The following GALNT13 variants were observed in gnomAD, a reference collection of about 807,000 sequenced individuals.
GALNT13 encodes polypeptide N-acetylgalactosaminyltransferase 13.
In GALNT13, 28 loss-of-function variants were observed where a neutral mutation model predicts 64.2. The ratio of observed to expected loss-of-function variants is 0.44; its 90% CI spans 0.32 to 0.60. The LOEUF is 0.60. Among genes scored for constraint, GALNT13 ranks in the 20% least tolerant of loss-of-function variants. The pLI is 0.05. For synonymous variants in GALNT13, 214 were observed against 224.6 expected, an observed-to-expected ratio of 0.95 and a Z score of 0.42; for missense variants, 577 against 669.8, an observed-to-expected ratio of 0.86 and a Z score of 1.53.
At chr2:153,095,144 T>G in the GALNT13 span, among the ~76,000 whole-genome samples, 13 of 152,076 alleles carry the variant, frequency 8.5e-5, no homozygotes, top group Non-Finnish European at 7.4e-5. Context: ...ACCCATCTGA[T>G]AAAGGGCTAA....
chr2:154,259,794 G>A (rs1690590251), intron 8 of GALNT13, among the ~76,000 whole-genome samples: 1 of 152,106 alleles, frequency 6.6e-6, no homozygotes, highest in African/African-American at 2.4e-5. Flanking sequence ...AAATTGATAA[G>A]CACTAACATA....
intron 9 of GALNT13, among the ~76,000 whole-genome samples, chr2:154,321,462 T>C (rs2105163342): frequency 6.6e-6 from 1 of 152,266 alleles, no homozygotes; most frequent in Non-Finnish European, 1.5e-5. Context: ...TGTCTGTAAA[T>C]TAAGACTTTA....
the GALNT13 span, among the ~76,000 whole-genome samples, chr2:153,398,576 C>T: frequency 6.6e-6 from 1 of 152,036 alleles, no homozygotes; most frequent in Admixed American, 6.5e-5. Context: ...ACATCCTCTC[C>T]AGCACCTGTT....
intron 3 of GALNT13, among the ~76,000 whole-genome samples, chr2:154,071,905 GCACAAGA>G (rs1177001451): frequency 2.3e-4 from 35 of 152,166 alleles, no homozygotes; most frequent in Non-Finnish European, 4.1e-4. Context: ...TAGACAAGAA[GCACAAGA>G]AGACTATGAT....
chr2:153,089,581 A>G, the GALNT13 span, among the ~76,000 whole-genome samples: 1 of 151,986 alleles, frequency 6.6e-6, no homozygotes, highest in East Asian at 1.9e-4. Flanking sequence ...CCTCACTTTC[A>G]TACTTCTCTT....
chr2:153,244,934 T>C, the GALNT13 span, among the ~76,000 whole-genome samples: 1 of 152,178 alleles, frequency 6.6e-6, no homozygotes, highest in Non-Finnish European at 1.5e-5. Context: ...TGATTGAGCT[T>C]GGTGTGGGGA....
At chr2:153,205,177 GTT>G in the GALNT13 span, among the ~76,000 whole-genome samples, 1 of 135,880 alleles carries the variant, frequency 7.4e-6, no homozygotes, top group Admixed American at 7.4e-5. Context: ...AAACTTTAGT[GTT>G]TTTTTTTTTT....
intron 3 of GALNT13, among the ~76,000 whole-genome samples, chr2:154,057,142 G>C (rs1158244186): frequency 6.6e-6 from 1 of 152,058 alleles, no homozygotes; most frequent in African/African-American, 2.4e-5. Context: ...CGATTCTCCT[G>C]CCTCAGCTTC....
At chr2:153,850,005 C>CAAAAA in the GALNT13 span, among the ~76,000 whole-genome samples, 5 of 84,726 alleles carry the variant, frequency 5.9e-5, no homozygotes, top group Non-Finnish European at 1.1e-4. Flanking sequence ...ACTAAAAATA[C>CAAAAA]AAAAAAAAAA....
the GALNT13 span, among the ~76,000 whole-genome samples, chr2:153,743,031 AGGGGAGGGGAAATGAG>A: frequency 1.8e-5 from 1 of 55,628 alleles, no homozygotes; most frequent in African/African-American, 7.6e-5. Flanking sequence ...AAGGTGGGGG[AGGGGAGGGGAAATGAG>A]GGGGAGGGGA....
chr2:153,472,430 T>G, the GALNT13 span, among the ~76,000 whole-genome samples: 1 of 152,050 alleles, frequency 6.6e-6, no homozygotes, highest in Non-Finnish European at 1.5e-5. Context: ...CCCTTACATG[T>G]GTTTGTCTGT....
intron 9 of GALNT13, among the ~76,000 whole-genome samples, chr2:154,369,981 G>A (rs1052960519): frequency 3.3e-5 from 5 of 152,224 alleles, no homozygotes; most frequent in African/African-American, 1.2e-4. Flanking sequence ...ATACTGTTCA[G>A]AAGTCTTAAC....
chr2:154,057,405 C>T (rs1394879126), intron 3 of GALNT13, among the ~76,000 whole-genome samples: 1 of 152,182 alleles, frequency 6.6e-6, no homozygotes, highest in Admixed American at 6.6e-5. Flanking sequence ...ACAAAATGTA[C>T]TGTGAGATTC....
At chr2:154,243,002 TAGA>T in intron 6 of GALNT13, 97 bp downstream of exon 6, 1 of 988,682 alleles carries the variant, frequency 1.0e-6, no homozygotes, top group East Asian at 2.6e-5. Context: ...TTGCTATTTT[TAGA>T]AGGTTTATTT....
chr2:154,069,129 T>C (rs1190517007), intron 3 of GALNT13, among the ~76,000 whole-genome samples: 1 of 152,068 alleles, frequency 6.6e-6, no homozygotes, highest in Non-Finnish European at 1.5e-5. Context: ...TGTAGAATTC[T>C]ATACTGGATA....
the GALNT13 span, among the ~76,000 whole-genome samples, chr2:153,789,697 CAAAG>C: frequency 6.6e-6 from 1 of 151,802 alleles, no homozygotes; most frequent in Admixed American, 6.6e-5. Context: ...GCTAGACTAA[CAAAG>C]AAAAGAGAGA....
the GALNT13 span, among the ~76,000 whole-genome samples, chr2:153,595,226 G>A: frequency 6.6e-6 from 1 of 150,870 alleles, no homozygotes; most frequent in Admixed American, 6.6e-5. Context: ...AAAATCAAAA[G>A]AAGAAAATAA....
the GALNT13 span, among the ~76,000 whole-genome samples, chr2:153,230,735 C>T: frequency 6.6e-6 from 1 of 152,186 alleles, no homozygotes; most frequent in Admixed American, 6.5e-5. Context: ...GTTTACTGGC[C>T]GCTTTCATGT....
the GALNT13 span, among the ~76,000 whole-genome samples, chr2:153,405,551 ATTGAGACAATTG>A: frequency 2.0e-4 from 30 of 152,264 alleles, no homozygotes; most frequent in African/African-American, 7.0e-4. Flanking sequence ...CGCAATTATC[ATTGAGACAATTG>A]TTTTGGAGCC....
Sources: allele counts gnomAD v4.1 joint callset (sites outside exome capture counted in the v4.1 genomes callset), GRCh38; gene constraint gnomAD v4.1.1; transcripts MANE v1.5; gene names NCBI Gene and HGNC (gene_info 2026-07-23, HGNC 2026-07-21).